Variants in AP1M2 observed in about 807,000 individuals in gnomAD.
AP1M2 encodes the protein adaptor related protein complex 1 subunit mu 2.
In AP1M2, 41 loss-of-function variants were observed where a neutral mutation model predicts 54.6. That is an observed-to-expected ratio of 0.75 (90% CI 0.59 to 0.97). AP1M2 has a LOEUF of 0.97. AP1M2 is among the 50% of genes least tolerant of loss of function. The pLI, the probability that AP1M2 is intolerant of heterozygous loss-of-function variation, is 0.00. For synonymous variants in AP1M2, 219 were observed against 215.9 expected, an observed-to-expected ratio of 1.01 and a Z score of -0.13; for missense variants, 507 against 561.2, an observed-to-expected ratio of 0.90 and a Z score of 0.98.
At position 10,583,951 on chromosome 19, in the gene AP1M2, C is replaced by T; in HGVS notation, c.162G>A (p.Gln54=). 1.2e-5 allele frequency: 20 copies of T among 1,602,266 alleles called. No individual in the cohort carries two copies. The highest frequency in any genetic ancestry group is 1.7e-5 in the Non-Finnish European group (20 of 1,174,648). ...GALAPLLSHG[Q]VHFLWIKHSN... is the part of the protein sequence containing the mutation. ...TGTGTTTGATCCATAGGAAGTGGACCTGGCCGTGGCTCAGCAGCGGGGCCA... is the reference window on the plus strand; with the variant it reads ...TGTGTTTGATCCATAGGAAGTGGACTTGGCCGTGGCTCAGCAGCGGGGCCA... Residue 54 remains glutamine, a synonymous_variant, in exon 2 of 12, where the codon CAG becomes CAA. Coordinates refer to ENST00000250244, the MANE Select transcript of AP1M2 (RefSeq NM_005498.5).
chr19:10,581,730 C>T lies in AP1M2; in HGVS notation c.398+18G>A, dbSNP rs775196307. ...CACCCACAGTCCAGCCCATGGCTGC[C>T]TCCAGGGGTCCACTCACTCCTGCAG... is the stretch of plus-strand genomic sequence containing the variant. On this transcript the variant is annotated intron_variant, in intron 4 of 11. Coordinates refer to ENST00000250244, the MANE Select transcript of AP1M2 (RefSeq NM_005498.5). The T allele has an allele frequency of 6.2e-7, 1 of 1,612,808 alleles. No individual in the cohort carries two copies. Among genetic ancestry groups the T allele is most frequent in the South Asian group, 1.1e-5 (1 of 91,002 alleles).
At chr19:10,578,201 T>C (rs1917310072) in intron 8 of AP1M2, among the ~76,000 whole-genome samples, 1 of 152,150 alleles carries the variant, frequency 6.6e-6, no homozygotes, top group South Asian at 2.1e-4. Context: ...AGTTTCCTCA[T>C]CTGTAAAATG....
intron 3 of AP1M2, 45 bp from the exon 4 acceptor site, chr19:10,581,923 G>C (rs1462733332): frequency 6.6e-7 from 1 of 1,523,920 alleles, no homozygotes; most frequent in South Asian, 1.3e-5. Context: ...GTGGCTATGG[G>C]TTGGGCATAG....
intron 11 of AP1M2, among the ~76,000 whole-genome samples, chr19:10,574,165 A>G (rs1917148093): frequency 6.6e-6 from 1 of 152,050 alleles, no homozygotes; most frequent in South Asian, 2.1e-4. Context: ...GATTATAGGC[A>G]TACACCACCA....
intron 6 of AP1M2, 92 bp downstream of exon 6, chr19:10,581,173 CA>C: frequency 1.3e-6 from 2 of 1,499,898 alleles, no homozygotes; most frequent in Non-Finnish European, 1.8e-6. Flanking sequence ...GCGCTTATTT[CA>C]AAACGGGCTG....
In AP1M2 at chr19:10,572,996, C is replaced by G; in HGVS notation, c.*70G>C. ...CACAGACACACACAGCCCGCACCTGCCCTCCCTCTAAAATCTGCATCCGGG... is the reference window on the plus strand; with the variant it reads ...CACAGACACACACAGCCCGCACCTGGCCTCCCTCTAAAATCTGCATCCGGG... On this transcript the variant is annotated 3_prime_UTR_variant, in exon 12 of 12. Transcript: ENST00000250244. The G allele has an allele frequency of 2.9e-4, 413 of 1,421,418 alleles. No individual in the cohort carries two copies. Among genetic ancestry groups the G allele is most frequent in the Non-Finnish European group, 3.8e-4 (386 of 1,028,454 alleles). 88.1% of individuals were successfully genotyped at this position (1,421,418 alleles called of 1,614,324 possible).
intron 7 of AP1M2, among the ~76,000 whole-genome samples, chr19:10,579,447 A>C (rs12462981): frequency 6.6e-6 from 1 of 152,050 alleles, no homozygotes; most frequent in Non-Finnish European, 1.5e-5. Context: ...ATTAAAAAAA[A>C]CAAATAAAGC....
chr19:10,585,302 A>AAAGAAG (rs1491400886), intron 1 of AP1M2, among the ~76,000 whole-genome samples: 4 of 65,936 alleles, frequency 6.1e-5, no homozygotes, highest in African/African-American at 1.7e-4. Flanking sequence ...AAAGAAAGAA[A>AAAGAAG]GAAAGAAAGA....
At chr19:10,582,948 T>C (rs2360748) in intron 3 of AP1M2, among the ~76,000 whole-genome samples, 38,069 of 150,004 alleles carry the variant, frequency 0.25, 5,770 homozygotes, top group East Asian at 0.66. Flanking sequence ...GCCTCAACCT[T>C]CCCCGTAGCT....
intron 8 of AP1M2, among the ~76,000 whole-genome samples, chr19:10,577,779 C>T (rs1247629222): frequency 6.7e-6 from 1 of 148,312 alleles, no homozygotes; most frequent in Non-Finnish European, 1.5e-5. Flanking sequence ...CTCTGTCACC[C>T]AGGCTGGAGT....
At chr19:10,579,221 C>A (rs1379428116) in intron 7 of AP1M2, among the ~76,000 whole-genome samples, 1 of 151,676 alleles carries the variant, frequency 6.6e-6, no homozygotes, top group Admixed American at 6.6e-5. Context: ...TCGAGACCAT[C>A]CTGGCTAACA....
chr19:10,579,649 G>A, intron 7 of AP1M2, 67 bp downstream of exon 7: 1 of 1,503,354 alleles, frequency 6.7e-7, no homozygotes. Flanking sequence ...CCACTGCGCT[G>A]GGCCCAGGGT....
At chr19:10,585,327 G>C (rs1283693498) in intron 1 of AP1M2, among the ~76,000 whole-genome samples, 1 of 140,030 alleles carries the variant, frequency 7.1e-6, no homozygotes, top group Non-Finnish European at 1.7e-5. Flanking sequence ...AAGAAAGAAA[G>C]AAAGAAAGAA....
At chr19:10,574,604 G>A (rs1016080629) in intron 10 of AP1M2, 112 bp from the exon 11 acceptor site, 9 of 939,022 alleles carry the variant, frequency 9.6e-6, no homozygotes, top group African/African-American at 8.3e-5. Context: ...TGGGATCGAT[G>A]AGGGGATATC....
rs1208095839 is a variant in AP1M2 at position 10,573,037 on chromosome 19, C to T, written c.*29G>A. On this transcript the variant is annotated 3_prime_UTR_variant, in exon 12 of 12. Coordinates refer to ENST00000250244, the MANE Select transcript of AP1M2 (RefSeq NM_005498.5). ...TGCATCCGGGGCTGTAAGGAAGCCC[C>T]GTGTTCAAGCCCCCATCTCTTCTCC... 5 of 1,557,668 alleles carry T rather than the reference C, an allele frequency of 3.2e-6. 1 individual carries two copies. In the South Asian group the frequency reaches 5.9e-5, roughly 18 times the overall value.
chr19:10,583,386 A>G (rs1355906842), intron 3 of AP1M2, among the ~76,000 whole-genome samples: 1 of 151,698 alleles, frequency 6.6e-6, no homozygotes, highest in African/African-American at 2.4e-5. Flanking sequence ...GGTGGCTCCC[A>G]TGCTTTGGGA....
At chr19:10,586,657 C>T (rs1917663477) in intron 1 of AP1M2, among the ~76,000 whole-genome samples, 2 of 151,918 alleles carry the variant, frequency 1.3e-5, no homozygotes, top group Admixed American at 1.3e-4. Flanking sequence ...TCGCTTGAGC[C>T]CAGGAATTCC....
chr19:10,577,666 A>C (rs1568430887), intron 8 of AP1M2, among the ~76,000 whole-genome samples: 1 of 145,506 alleles, frequency 6.9e-6, no homozygotes, highest in Non-Finnish European at 1.5e-5. Flanking sequence ...CGATCTCCTG[A>C]CCTCGTGATC....
intron 1 of AP1M2, among the ~76,000 whole-genome samples, chr19:10,585,993 G>A (rs1917643306): frequency 6.6e-6 from 1 of 151,866 alleles, no homozygotes; most frequent in Non-Finnish European, 1.5e-5. Context: ...TAAAAAATAG[G>A]CCGGGTGCGG....
Sources: gnomAD v4.1 joint callset for allele counts (sites outside exome capture counted in the v4.1 genomes callset) on GRCh38, gnomAD v4.1.1 for gene constraint, MANE v1.5 for transcripts, NCBI Gene and HGNC (gene_info 2026-07-23, HGNC 2026-07-21) for gene names.